Variants in UVRAG observed in about 807,000 individuals in gnomAD.
The protein encoded by UVRAG is UV radiation resistance-associated gene protein.
UVRAG carries 19 observed loss-of-function variants against 78.0 expected under a neutral mutation model. That is an observed-to-expected ratio of 0.24 (90% CI 0.17 to 0.36). The LOEUF (loss-of-function observed/expected upper bound fraction) is 0.36, where lower values mean the gene tolerates loss of function less well. UVRAG is among the 10% of genes least tolerant of loss of function. UVRAG has a pLI of 1.00. For missense variants in UVRAG, 740 were observed against 853.8 expected, an observed-to-expected ratio of 0.87 and a Z score of 1.66; for synonymous variants, 323 against 324.6, an observed-to-expected ratio of 1.00 and a Z score of 0.05.
At chr11:76,119,607 A>C (rs1206626819) in intron 14 of UVRAG, among the ~76,000 whole-genome samples, 2 of 152,196 alleles carry the variant, frequency 1.3e-5, no homozygotes, top group Non-Finnish European at 2.9e-5. Flanking sequence ...CCAGGGAATC[A>C]TCCTTGATCC....
intron 13 of UVRAG, among the ~76,000 whole-genome samples, chr11:76,094,457 G>A (rs529905186): frequency 2.0e-5 from 3 of 152,124 alleles, no homozygotes; most frequent in African/African-American, 4.8e-5. Context: ...TTGTACCTCC[G>A]GTAGAATTTG....
At chr11:76,059,423 G>T (rs1951040063) in intron 12 of UVRAG, among the ~76,000 whole-genome samples, 1 of 152,216 alleles carries the variant, frequency 6.6e-6, no homozygotes, top group African/African-American at 2.4e-5. Flanking sequence ...AAGGATTCTG[G>T]CTAGGTAGTA....
chr11:76,100,547 C>A (rs1951861538), intron 13 of UVRAG, among the ~76,000 whole-genome samples: 1 of 152,084 alleles, frequency 6.6e-6, no homozygotes, highest in Non-Finnish European at 1.5e-5. Context: ...TAATCTTTTT[C>A]ACTTGAATTA....
chr11:75,908,271 A>ATTT (rs1947660623), intron 5 of UVRAG, among the ~76,000 whole-genome samples: 1 of 152,218 alleles, frequency 6.6e-6, no homozygotes, highest in East Asian at 1.9e-4. Flanking sequence ...TTTAATGGTG[A>ATTT]ATAATATTTC....
At position 75,830,362 on chromosome 11, in the gene UVRAG, C is replaced by T. The variant is rs186025543; in HGVS notation, c.117+14838C>T. ...TTGGCTCACTGCAACCTCTGCCTCTCGGGTTCAAGCGATTCTCCTGCCTCA... is the reference window on the plus strand; with the variant it reads ...TTGGCTCACTGCAACCTCTGCCTCTTGGGTTCAAGCGATTCTCCTGCCTCA... On this transcript the variant is annotated intron_variant, in intron 1 of 14. Coordinates refer to ENST00000356136, the MANE Select transcript of UVRAG (RefSeq NM_003369.4). Among the ~76,000 whole-genome samples the T allele has an allele frequency of 2.1e-3, 324 of 151,426 alleles. 5 individuals are homozygous for T. The East Asian group carries it at 0.035, about 16-fold the overall frequency.
Position 76,116,024 on chromosome 11 carries a change from CTTTATCTCTGATAACCAGAAACTG to C in UVRAG, c.1397+11_1397+34del. The C allele has an allele frequency of 6.2e-7, 1 of 1,612,330 alleles. No individual in the cohort carries two copies. On this transcript the variant is annotated intron_variant, in intron 14 of 14. Coordinates refer to ENST00000356136, the MANE Select transcript of UVRAG (RefSeq NM_003369.4). ...GGACTAATGGTCAGGTGGTGAGTAC[CTTTATCTCTGATAACCAGAAACTG>C]TAATGTGGATAGGATCCTGAAAATC...
intron 12 of UVRAG, among the ~76,000 whole-genome samples, chr11:76,059,761 C>G (rs1951047910): frequency 6.6e-6 from 1 of 152,170 alleles, no homozygotes; most frequent in African/African-American, 2.4e-5. Context: ...TTGAATGCCA[C>G]TCTAAGTCCA....
chr11:75,853,576 G>C (rs938035721), intron 2 of UVRAG, among the ~76,000 whole-genome samples: 2 of 151,720 alleles, frequency 1.3e-5, no homozygotes, highest in Admixed American at 6.6e-5. Context: ...GGCCAGGCTG[G>C]TCTCGAACTC....
intron 12 of UVRAG, among the ~76,000 whole-genome samples, chr11:76,044,882 C>T: frequency 6.8e-6 from 1 of 146,238 alleles, no homozygotes. Flanking sequence ...ATTGTGAGAA[C>T]TGAACAGCAG....
At chr11:76,038,977 A>G (rs1044352709) in intron 12 of UVRAG, among the ~76,000 whole-genome samples, 1 of 152,238 alleles carries the variant, frequency 6.6e-6, no homozygotes, top group Non-Finnish European at 1.5e-5. Flanking sequence ...GATTTCTTAG[A>G]TCCTGAGCAG....
intron 7 of UVRAG, chr11:75,980,141 T>TTC (rs1198602383): frequency 1.2e-4 from 18 of 154,586 alleles, no homozygotes; most frequent in East Asian, 5.6e-4. Context: ...TTAATTTAAT[T>TTC]TCTCTCTCTC....
intron 13 of UVRAG, among the ~76,000 whole-genome samples, chr11:76,105,023 T>G (rs1951945820): frequency 6.6e-6 from 1 of 152,194 alleles, no homozygotes; most frequent in African/African-American, 2.4e-5. Context: ...CTAGCTAGAT[T>G]AGGCAGAAAT....
chr11:76,050,163 T>C (rs1309583961), intron 12 of UVRAG, among the ~76,000 whole-genome samples: 3 of 152,186 alleles, frequency 2.0e-5, no homozygotes, highest in Non-Finnish European at 4.4e-5. Context: ...GCAAACACCA[T>C]TCTGTAATTT....
intron 12 of UVRAG, among the ~76,000 whole-genome samples, chr11:76,046,705 C>T (rs1565135571): frequency 1.3e-5 from 2 of 152,028 alleles, no homozygotes; most frequent in African/African-American, 4.8e-5. Flanking sequence ...GAGCTATATC[C>T]TCATCTTCCC....
intron 6 of UVRAG, chr11:75,930,711 A>G (rs377247431): frequency 6.6e-6 from 1 of 152,244 alleles, no homozygotes; most frequent in South Asian, 2.1e-4. Flanking sequence ...TTGATGGTAG[A>G]AAGAAGTTGT....
chr11:76,096,220 C>A (rs1314660581), intron 13 of UVRAG, among the ~76,000 whole-genome samples: 1 of 152,122 alleles, frequency 6.6e-6, no homozygotes, highest in African/African-American at 2.4e-5. Flanking sequence ...CCAAGGATCC[C>A]TTCTATGTTG....
rs932272728 is a variant in UVRAG, at chr11:75,900,584, A to C, written c.508-11370A>C. Among the ~76,000 whole-genome samples, 133 of 152,310 alleles carry C rather than the reference A, an allele frequency of 8.7e-4. 1 individual carries two copies. Among genetic ancestry groups the C allele is most frequent in the Non-Finnish European group, 6.5e-4 (44 of 68,022 alleles). ...TGAATATTTTTCCATGAGTGAATGAAGTCTACTAGGATCACGTTGTTCCCA... is the reference window on the plus strand; with the variant it reads ...TGAATATTTTTCCATGAGTGAATGACGTCTACTAGGATCACGTTGTTCCCA... On this transcript the variant is annotated intron_variant, in intron 5 of 14. Transcript: ENST00000356136.
At position 76,141,417 on chromosome 11, in the gene UVRAG, G is replaced by GAGC; in HGVS notation, c.*7_*9dup. On this transcript the variant is annotated 3_prime_UTR_variant, in exon 15 of 15. Transcript: ENST00000356136. ...GCGCAGGAGTTCCGATAAGTGAAGTGAGCAGGTCAACAGTAGGACTGGGGC... is the reference window on the plus strand; with the variant it reads ...GCGCAGGAGTTCCGATAAGTGAAGTGAGCAGCAGGTCAACAGTAGGACTGGGGC... 6.2e-7 allele frequency: 1 copy of GAGC among 1,610,692 alleles called. No homozygotes were observed.
chr11:76,126,772 A>T (rs949450218), intron 14 of UVRAG, among the ~76,000 whole-genome samples: 2 of 152,222 alleles, frequency 1.3e-5, no homozygotes, highest in African/African-American at 4.8e-5. Flanking sequence ...GTACTAAGTT[A>T]TATTGGAAAG....
Sources: allele counts gnomAD v4.1 joint callset (sites outside exome capture counted in the v4.1 genomes callset), GRCh38; gene constraint gnomAD v4.1.1; transcripts MANE v1.5; gene names NCBI Gene and HGNC (gene_info 2026-07-23, HGNC 2026-07-21).